The following NKAIN2 variants were observed in gnomAD, a reference collection of about 807,000 sequenced individuals.
The protein encoded by NKAIN2 is sodium/potassium-transporting ATPase subunit beta-1-interacting protein 2.
In NKAIN2, 14 loss-of-function variants were observed where a neutral mutation model predicts 32.6. The ratio of observed to expected loss-of-function variants is 0.43; its 90% CI spans 0.28 to 0.67. The LOEUF (loss-of-function observed/expected upper bound fraction) is 0.67, where lower values mean the gene tolerates loss of function less well. NKAIN2 is among the 30% of genes least tolerant of loss of function. NKAIN2 has a pLI of 0.17. For missense variants in NKAIN2, 198 were observed against 258.3 expected, an observed-to-expected ratio of 0.77 and a Z score of 1.60; for synonymous variants, 80 against 87.2, an observed-to-expected ratio of 0.92 and a Z score of 0.46.
chr6:124,727,890 A>T (rs1776417796), intron 4 of NKAIN2, among the ~76,000 whole-genome samples: 1 of 148,100 alleles, frequency 6.8e-6, no homozygotes, highest in Non-Finnish European at 1.5e-5. Context: ...AAAACAAAAA[A>T]AGGCAGGGGT....
chr6:124,031,784 A>G (rs1781416788), intron 1 of NKAIN2, among the ~76,000 whole-genome samples: 1 of 152,108 alleles, frequency 6.6e-6, no homozygotes, highest in African/African-American at 2.4e-5. Context: ...ACAGCTTTTG[A>G]TAATTTCTGT....
chr6:124,181,353 G>A (rs1205936449), intron 1 of NKAIN2, among the ~76,000 whole-genome samples: 1 of 152,112 alleles, frequency 6.6e-6, no homozygotes, highest in Non-Finnish European at 1.5e-5. Flanking sequence ...ATGCCTTGGA[G>A]ACATTTTCCT....
At chr6:124,577,918 A>G (rs1329793561) in intron 3 of NKAIN2, among the ~76,000 whole-genome samples, 1 of 152,178 alleles carries the variant, frequency 6.6e-6, no homozygotes. Context: ...CCCGCATTCC[A>G]GGCCGTACCT....
chr6:124,332,099 G>A (rs1451450036), intron 2 of NKAIN2, among the ~76,000 whole-genome samples: 1 of 152,100 alleles, frequency 6.6e-6, no homozygotes, highest in Non-Finnish European at 1.5e-5. Flanking sequence ...CTTACCTTCT[G>A]AATCAAGGCC....
intron 4 of NKAIN2, among the ~76,000 whole-genome samples, chr6:124,663,385 C>A (rs969279291): frequency 2.6e-5 from 4 of 151,752 alleles, no homozygotes; most frequent in African/African-American, 9.7e-5. Context: ...GAGCCGAGAT[C>A]ATGCTACTGC....
intron 3 of NKAIN2, among the ~76,000 whole-genome samples, chr6:124,657,968 T>C (rs1784599654): frequency 6.6e-6 from 1 of 152,044 alleles, no homozygotes; most frequent in Non-Finnish European, 1.5e-5. Flanking sequence ...TTGATCTATA[T>C]TATTATAGTC....
rs186033636 is a variant in NKAIN2 at position 124,790,285 on chromosome 6, G to A, written c.475-1054G>A. On this transcript the variant is annotated intron_variant, in intron 4 of 6. Coordinates refer to ENST00000368417, the MANE Select transcript of NKAIN2 (RefSeq NM_001040214.3). ...AATGTTCCACTCACATCCTCCAGAA[G>A]ATCACTATCTGTCATCTAATGAAAA... Among the ~76,000 whole-genome samples, 7 of 152,136 alleles carry A rather than the reference G, an allele frequency of 4.6e-5. No individual in the cohort carries two copies. The South Asian group carries it at 1.5e-3, about 32-fold the overall frequency.
chr6:124,488,195 T>A (rs1777728839), intron 3 of NKAIN2, among the ~76,000 whole-genome samples: 1 of 152,050 alleles, frequency 6.6e-6, no homozygotes. Context: ...AGACAAGGAA[T>A]AATGGCATCC....
rs1230841948 is a variant in NKAIN2 at position 124,358,697 on chromosome 6, A to G, written c.273+3350A>G. On this transcript the variant is annotated intron_variant, in intron 3 of 6. Coordinates refer to ENST00000368417, the MANE Select transcript of NKAIN2 (RefSeq NM_001040214.3). ...GCCCTTTGTCAGATGAGTAGATTGC[A>G]CAAATTTTCTCCCATGTTGTAGGTT... Among the ~76,000 whole-genome samples the G allele has an allele frequency of 5.6e-3, 838 of 150,746 alleles. 9 individuals are homozygous for G. Among genetic ancestry groups the G allele is most frequent in the African/African-American group, 0.02 (796 of 40,078 alleles).
chr6:124,693,974 A>C (rs928869354), intron 4 of NKAIN2, among the ~76,000 whole-genome samples: 1 of 152,200 alleles, frequency 6.6e-6, no homozygotes, highest in Admixed American at 6.5e-5. Context: ...GTCCATTTTT[A>C]AAATAATTTG....
intron 5 of NKAIN2, among the ~76,000 whole-genome samples, chr6:124,805,194 GGGTCC>G (rs1780476968): frequency 6.6e-6 from 1 of 152,190 alleles, no homozygotes; most frequent in Non-Finnish European, 1.5e-5. Context: ...CTCCTCAAGT[GGGTCC>G]CTGACCCCTG....
At chr6:124,294,316 G>GT (rs766543620) in intron 2 of NKAIN2, among the ~76,000 whole-genome samples, 42 of 152,098 alleles carry the variant, frequency 2.8e-4, no homozygotes, top group Non-Finnish European at 5.4e-4. Flanking sequence ...ACCCAGTTCC[G>GT]TAAGAGCAGC....
chr6:124,453,017 T>C (rs1007786452), intron 3 of NKAIN2, among the ~76,000 whole-genome samples: 2 of 152,020 alleles, frequency 1.3e-5, no homozygotes, highest in African/African-American at 4.8e-5. Flanking sequence ...CTTAATTGGC[T>C]ATCTTAGTCT....
chr6:124,345,160 G>C (rs1798342401), intron 2 of NKAIN2, among the ~76,000 whole-genome samples: 1 of 152,058 alleles, frequency 6.6e-6, no homozygotes, highest in Non-Finnish European at 1.5e-5. Context: ...TATTGAACCA[G>C]CCTTGCATCC....
chr6:124,685,361 A>G (rs1773818757), intron 4 of NKAIN2, among the ~76,000 whole-genome samples: 1 of 152,208 alleles, frequency 6.6e-6, no homozygotes. Context: ...TTTGAAATGT[A>G]ATTGCTTAAT....
intron 3 of NKAIN2, among the ~76,000 whole-genome samples, chr6:124,437,027 G>C (rs1423308278): frequency 6.6e-6 from 1 of 152,034 alleles, no homozygotes; most frequent in African/African-American, 2.4e-5. Context: ...TCTGTCCTTC[G>C]AATGCCTTTC....
At chr6:124,630,345 A>G (rs1355283161) in intron 3 of NKAIN2, among the ~76,000 whole-genome samples, 1 of 152,196 alleles carries the variant, frequency 6.6e-6, no homozygotes, top group Non-Finnish European at 1.5e-5. Context: ...TCTCATTAAG[A>G]TTCTTCAGAG....
At chr6:123,849,119 C>T (rs1775209898) in intron 1 of NKAIN2, among the ~76,000 whole-genome samples, 1 of 152,212 alleles carries the variant, frequency 6.6e-6, no homozygotes, top group Admixed American at 6.5e-5. Flanking sequence ...GGGAATCCTA[C>T]ACTGATCCTG....
intron 1 of NKAIN2, among the ~76,000 whole-genome samples, chr6:124,274,964 C>T (rs1395612939): frequency 4.6e-5 from 7 of 152,046 alleles, no homozygotes; most frequent in Admixed American, 2.6e-4. Context: ...ATTCACATGA[C>T]TTGTTAAGCT....
Sources: gnomAD v4.1 joint callset for allele counts (sites outside exome capture counted in the v4.1 genomes callset) on GRCh38, gnomAD v4.1.1 for gene constraint, MANE v1.5 for transcripts, NCBI Gene and HGNC (gene_info 2026-07-23, HGNC 2026-07-21) for gene names.